GABRG3: variants seen among roughly 807,000 people sequenced by gnomAD.
GABRG3 encodes the protein gamma-aminobutyric acid receptor subunit gamma-3.
GABRG3 carries 25 observed loss-of-function variants against 48.8 expected under a neutral mutation model. The ratio of observed to expected loss-of-function variants is 0.51; its 90% CI spans 0.37 to 0.72. The LOEUF is 0.72. Among genes scored for constraint, GABRG3 ranks in the 30% least tolerant of loss-of-function variants. The pLI is 0.00. For synonymous variants in GABRG3, 227 were observed against 217.6 expected (o/e 1.04, Z -0.38); for missense variants, 394 against 577.9 (o/e 0.68, Z 3.26).
At chr15:27,021,643 C>G (rs963409331) in intron 2 of GABRG3, among the ~76,000 whole-genome samples, 2 of 152,096 alleles carry the variant, frequency 1.3e-5, no homozygotes, top group Non-Finnish European at 2.9e-5. Context: ...AAGTTCAAGA[C>G]CAGCCTGGGC....
intron 3 of GABRG3, among the ~76,000 whole-genome samples, chr15:27,101,842 TAAAA>T (rs55887752): frequency 6.9e-5 from 5 of 72,528 alleles, no homozygotes; most frequent in Admixed American, 1.6e-4. Flanking sequence ...GCTGATGAGC[TAAAA>T]AAAAAAAAAA....
intron 5 of GABRG3, 111 bp downstream of exon 5, chr15:27,328,999 A>G (rs1390491908): frequency 2.2e-6 from 2 of 893,904 alleles, no homozygotes; most frequent in Admixed American, 4.0e-5. Flanking sequence ...GCACACACAG[A>G]GAAAACTGAT....
At chr15:27,245,676 A>AGCCTGGCCAACATGGTGAAACCT (rs1555412247) in intron 3 of GABRG3, among the ~76,000 whole-genome samples, 83 of 150,900 alleles carry the variant, frequency 5.5e-4, no homozygotes, top group Non-Finnish European at 9.9e-4. Context: ...GTTCGAAACC[A>AGCCTGGCCAACATGGTGAAACCT]GCCTGGCCAA....
At chr15:27,176,803 G>A (rs1474922854) in intron 3 of GABRG3, among the ~76,000 whole-genome samples, 1 of 152,138 alleles carries the variant, frequency 6.6e-6, no homozygotes, top group African/African-American at 2.4e-5. Context: ...CATGCCATAG[G>A]GTGGGGAGCT....
At chr15:27,096,838 CTT>C (rs34613626) in intron 3 of GABRG3, among the ~76,000 whole-genome samples, 30,386 of 125,796 alleles carry the variant, frequency 0.24, 3,373 homozygotes, top group Middle Eastern at 0.34. Context: ...TTCTTTCTAT[CTT>C]TTTTTTTTTT....
intron 3 of GABRG3, among the ~76,000 whole-genome samples, chr15:27,078,187 C>G (rs1329880977): frequency 1.3e-5 from 2 of 152,090 alleles, no homozygotes; most frequent in Non-Finnish European, 2.9e-5. Context: ...CTAGGCTTCC[C>G]CAATGTGAGT....
intron 5 of GABRG3, among the ~76,000 whole-genome samples, chr15:27,356,074 C>CTA (rs1894828468): frequency 1.3e-5 from 2 of 151,982 alleles, no homozygotes; most frequent in African/African-American, 4.8e-5. Context: ...TTTTAAAGGG[C>CTA]GACCTTTATA....
chr15:27,389,868 C>T (rs565631212), intron 5 of GABRG3, among the ~76,000 whole-genome samples: 4 of 152,220 alleles, frequency 2.6e-5, no homozygotes, highest in East Asian at 3.9e-4. Flanking sequence ...TTAAAAGCAG[C>T]GCAAAATATG....
At chr15:27,223,635 CA>C (rs986814787) in intron 3 of GABRG3, among the ~76,000 whole-genome samples, 9 of 152,264 alleles carry the variant, frequency 5.9e-5, no homozygotes, top group Non-Finnish European at 8.8e-5. Context: ...GTAGGGTTTG[CA>C]AAAATGTTTA....
chr15:27,048,164 G>A (rs1262930320), intron 3 of GABRG3, among the ~76,000 whole-genome samples: 1 of 152,150 alleles, frequency 6.6e-6, no homozygotes, highest in Non-Finnish European at 1.5e-5. Flanking sequence ...ATACCTGCCA[G>A]AGGACTGCAC....
intron 2 of GABRG3, among the ~76,000 whole-genome samples, chr15:27,011,548 C>T (rs1895686789): frequency 6.6e-6 from 1 of 152,312 alleles, no homozygotes; most frequent in South Asian, 2.1e-4. Flanking sequence ...CAGGATACTA[C>T]TTAGATCTAC....
At position 27,366,751 on chromosome 15, in the gene GABRG3, G is replaced by A. The variant is rs893887380; in HGVS notation, c.574+37863G>A. On this transcript the variant is annotated intron_variant, in intron 5 of 9. Coordinates refer to ENST00000615808, the MANE Select transcript of GABRG3 (RefSeq NM_033223.5). ...CTCATCATAAGCTCCTCCTACATCC[G>A]CTGTAGACCTGTATGGCTGCTAAAA... is the stretch of plus-strand genomic sequence containing the variant. Among the ~76,000 whole-genome samples, 7 of 152,012 alleles carry A rather than the reference G, an allele frequency of 4.6e-5. No individual in the cohort carries two copies. The East Asian group carries it at 7.7e-4, about 17-fold the overall frequency.
Position 27,222,343 on chromosome 15 carries a change from C to T in GABRG3, c.271-104466C>T, listed in dbSNP as rs915367918. On this transcript the variant is annotated intron_variant, in intron 3 of 9. Transcript: ENST00000615808. The stretch of plus-strand genomic sequence containing the variant: ...CAGAAGAAGTTGTTTTACAGAGATC[C>T]AAAGTGCTTAGAAGAGTACCTGAGA... Among the ~76,000 whole-genome samples, 3 of 152,192 alleles carry T rather than the reference C, an allele frequency of 2.0e-5. No individual in the cohort carries two copies. The East Asian group carries it at 5.8e-4, about 29-fold the overall frequency.
intron 3 of GABRG3, among the ~76,000 whole-genome samples, chr15:27,244,472 C>G (rs1890217755): frequency 6.6e-6 from 1 of 152,170 alleles, no homozygotes; most frequent in South Asian, 2.1e-4. Flanking sequence ...CATATCATGC[C>G]CCATCATGTA....
intron 3 of GABRG3, among the ~76,000 whole-genome samples, chr15:27,310,920 G>A (rs1007088018): frequency 2.0e-5 from 3 of 152,086 alleles, no homozygotes; most frequent in Non-Finnish European, 2.9e-5. Context: ...ATGCTCTTAT[G>A]AGAAGAAAAG....
chr15:27,419,131 G>A (rs1338733238), intron 5 of GABRG3: 3 of 152,168 alleles, frequency 2.0e-5, no homozygotes, highest in African/African-American at 7.2e-5. Context: ...CCTTGGAAAG[G>A]GAGAAGGGCT....
chr15:27,048,322 AT>A (rs5811473), intron 3 of GABRG3, among the ~76,000 whole-genome samples: 38,057 of 152,026 alleles, frequency 0.25, 4,973 homozygotes, highest in Middle Eastern at 0.37. Flanking sequence ...TCCAGACAGA[AT>A]CTCTGGGCAA....
At chr15:27,251,461 T>C (rs1309382238) in intron 3 of GABRG3, among the ~76,000 whole-genome samples, 1 of 152,174 alleles carries the variant, frequency 6.6e-6, no homozygotes. Context: ...GAGTCCAATC[T>C]CCCTTGGACA....
chr15:27,167,883 G>T (rs1014202269), intron 3 of GABRG3, among the ~76,000 whole-genome samples: 18 of 152,186 alleles, frequency 1.2e-4, no homozygotes, highest in Non-Finnish European at 2.4e-4. Flanking sequence ...GCGATCACTG[G>T]TACTGTTACC....
Sources: gnomAD v4.1 joint callset for allele counts (sites outside exome capture counted in the v4.1 genomes callset) on GRCh38, gnomAD v4.1.1 for gene constraint, MANE v1.5 for transcripts, NCBI Gene and HGNC (gene_info 2026-07-23, HGNC 2026-07-21) for gene names.